Variants in PSMB2 observed in about 807,000 individuals in gnomAD.
The protein encoded by PSMB2 is proteasome 20S subunit beta 2, also known as proteasome subunit beta type-2.
In PSMB2, 13 loss-of-function variants were observed where a neutral mutation model predicts 25.7. The observed-to-expected ratio is 0.51, with a 90% CI of 0.33 to 0.80. The LOEUF is 0.80. Among genes scored for constraint, PSMB2 ranks in the 30% least tolerant of loss-of-function variants. PSMB2 has a pLI of 0.02. For synonymous variants in PSMB2, 87 were observed against 96.2 expected (o/e 0.90, Z 0.56); for missense variants, 202 against 259.0 (o/e 0.78, Z 1.51).
chr1:35,604,355 C>A (rs182877040), intron 5 of PSMB2, among the ~76,000 whole-genome samples: 113 of 152,284 alleles, frequency 7.4e-4, no homozygotes, highest in Admixed American at 2.2e-3. Flanking sequence ...CCCAAAGCTT[C>A]CTAGTTGCTT....
intron 3 of PSMB2, among the ~76,000 whole-genome samples, chr1:35,610,440 G>C (rs183762267): frequency 6.6e-6 from 1 of 152,022 alleles, no homozygotes; most frequent in Admixed American, 6.6e-5. Context: ...GAGAAAGAGA[G>C]AGAAAAGAAA....
At chr1:35,611,288 TTAACAC>T (rs1650324708) in intron 3 of PSMB2, among the ~76,000 whole-genome samples, 1 of 152,196 alleles carries the variant, frequency 6.6e-6, no homozygotes, top group Non-Finnish European at 1.5e-5. Context: ...TGAACACTGA[TTAACAC>T]GGCCACTTGG....
chr1:35,631,497 C>A (rs1473141078), intron 2 of PSMB2, 153 bp from the exon 3 acceptor site: 1 of 1,444,124 alleles, frequency 6.9e-7, no homozygotes, highest in Non-Finnish European at 9.1e-7. Context: ...TACTCTAGTC[C>A]CTTTCCTCAT....
intron 1 of PSMB2, among the ~76,000 whole-genome samples, chr1:35,640,060 A>ATACTATACTATACTATAC (rs371010677): frequency 0.013 from 1,961 of 147,316 alleles, 36 homozygotes; most frequent in South Asian, 0.024. Flanking sequence ...AAGTACTATA[A>ATACTATACTATACTATAC]TATACTATAC....
intron 3 of PSMB2, among the ~76,000 whole-genome samples, chr1:35,613,055 T>C (rs1650386249): frequency 6.6e-6 from 1 of 152,218 alleles, no homozygotes; most frequent in Non-Finnish European, 1.5e-5. Flanking sequence ...CTTACCAAAG[T>C]TGGTATTCAG....
chr1:35,608,633 A>G lies in PSMB2; in HGVS notation c.448+613T>C, dbSNP rs142126242. On this transcript the variant is annotated intron_variant, in intron 4 of 5. Coordinates refer to ENST00000373237, the MANE Select transcript of PSMB2 (RefSeq NM_002794.5). ...TTTGTCAATTAAAAAATAAAATTTTAAAAAAGCATCCCTGTATCTGAAGTT... is the reference window on the plus strand; with the variant it reads ...TTTGTCAATTAAAAAATAAAATTTTGAAAAAGCATCCCTGTATCTGAAGTT... Among the ~76,000 whole-genome samples the G allele has an allele frequency of 1.9e-3, 284 of 152,336 alleles. 4 individuals are homozygous for G. The highest frequency in any genetic ancestry group is 6.3e-3 in the African/African-American group (264 of 41,584).
At chr1:35,640,132 TAAG>T (rs1474015578) in intron 1 of PSMB2, among the ~76,000 whole-genome samples, 4 of 150,728 alleles carry the variant, frequency 2.7e-5, no homozygotes, top group Non-Finnish European at 5.9e-5. Flanking sequence ...TACATAATTT[TAAG>T]AAGATTTTGG....
At position 35,599,936 on chromosome 1, in the gene PSMB2, C is replaced by T. The variant is rs988354324; in HGVS notation, c.*3331G>A. 1 of 817,472 alleles carries T rather than the reference C, an allele frequency of 1.2e-6. No individual in the cohort carries two copies. The highest frequency in any genetic ancestry group is 6.3e-5 in the Admixed American group (1 of 15,978). The allele number at this position is 817,472 out of a possible 1,614,324, so 50.6% of individuals were successfully genotyped here. On this transcript the variant is annotated 3_prime_UTR_variant, in exon 6 of 6. Coordinates refer to ENST00000373237, the MANE Select transcript of PSMB2 (RefSeq NM_002794.5). ...TCACTTGAGGCCAAGAGTTCGAGAC[C>T]AGCCTAGGCAACATGGCGAGACCCT...
intron 3 of PSMB2, among the ~76,000 whole-genome samples, chr1:35,622,348 T>C (rs1650714195): frequency 6.6e-6 from 1 of 152,150 alleles, no homozygotes; most frequent in Admixed American, 6.5e-5. Flanking sequence ...TTTAAAGCAA[T>C]CTTAAAAGTT....
intron 3 of PSMB2, among the ~76,000 whole-genome samples, chr1:35,628,772 C>G (rs189183799): frequency 1.3e-5 from 2 of 150,440 alleles, no homozygotes; most frequent in African/African-American, 4.9e-5. Flanking sequence ...TGTACAAGCC[C>G]TTGGTCAAAG....
intron 3 of PSMB2, among the ~76,000 whole-genome samples, chr1:35,611,885 G>A (rs1650355309): frequency 6.6e-6 from 1 of 151,744 alleles, no homozygotes; most frequent in Non-Finnish European, 1.5e-5. Flanking sequence ...TGCCCAGGCT[G>A]GCCTTCAACT....
chr1:35,599,596 T>A lies in PSMB2; in HGVS notation c.*3671A>T. The A allele has an allele frequency of 1.0e-6, 1 of 984,936 alleles. No homozygotes were observed. Among genetic ancestry groups the A allele is most frequent in the Non-Finnish European group, 1.2e-6 (1 of 829,546 alleles). The allele number at this position is 984,936 out of a possible 1,614,324, so 61.0% of individuals were successfully genotyped here. The stretch of plus-strand genomic sequence containing the variant: ...AAAGGAGGGAAAGGAAGTGGGGAGT[T>A]AGGTTCGGAGAGGATTATGGAATGC... On this transcript the variant is annotated 3_prime_UTR_variant, in exon 6 of 6. Coordinates refer to ENST00000373237, the MANE Select transcript of PSMB2 (RefSeq NM_002794.5).
rs1651090434 is a variant in PSMB2 at position 35,631,348 on chromosome 1, G to T, written c.215-4C>A. 1 of 1,613,954 alleles carries T rather than the reference G, an allele frequency of 6.2e-7. No individual in the cohort carries two copies. The highest frequency in any genetic ancestry group is 2.2e-5 in the East Asian group (1 of 44,874). ...GCCGTGGGAGACAATTCATATCCTGGTAGAAGAGATAAAGAGTCATACTTA... is the reference window on the plus strand; with the variant it reads ...GCCGTGGGAGACAATTCATATCCTGTTAGAAGAGATAAAGAGTCATACTTA... On this transcript the variant is annotated splice_region_variant and splice_polypyrimidine_tract_variant and intron_variant, in intron 2 of 5. Transcript: ENST00000373237.
rs371322301 is a variant in PSMB2 at position 35,636,335 on chromosome 1, G to A, written c.189C>T (p.Asn63=). 40 of 1,613,916 alleles carry A rather than the reference G, an allele frequency of 2.5e-5. No homozygotes were observed. The highest frequency in any genetic ancestry group is 5.3e-5 in the African/African-American group (4 of 74,902). ...TVQFAEYIQK[N]VQLYKMRNGY... ...CATTTCGCATCTTATAAAGTTGCAC[G>A]TTTTTCTGAATATATTCTGCAAACT... The change falls in exon 2 of 6, where the codon AAC becomes AAT. Residue 63 remains asparagine, a synonymous_variant. Coordinates refer to ENST00000373237, the MANE Select transcript of PSMB2 (RefSeq NM_002794.5).
chr1:35,624,004 C>T (rs932877561), intron 3 of PSMB2, among the ~76,000 whole-genome samples: 5 of 152,100 alleles, frequency 3.3e-5, no homozygotes, highest in Non-Finnish European at 4.4e-5. Flanking sequence ...ATAGAAGGCT[C>T]AAAGCAACAG....
At chr1:35,634,512 G>A (rs1651191031) in intron 2 of PSMB2, among the ~76,000 whole-genome samples, 1 of 152,068 alleles carries the variant, frequency 6.6e-6, no homozygotes, top group South Asian at 2.1e-4. Flanking sequence ...GAGTAGCTGG[G>A]ACTATGGGTG....
chr1:35,637,274 T>G (rs907748561), intron 1 of PSMB2, among the ~76,000 whole-genome samples: 1 of 152,186 alleles, frequency 6.6e-6, no homozygotes, highest in Non-Finnish European at 1.5e-5. Flanking sequence ...TTAATCACTT[T>G]AAAAAGTAAA....
chr1:35,604,001 T>A (rs930041129), intron 5 of PSMB2, among the ~76,000 whole-genome samples: 61 of 125,916 alleles, frequency 4.8e-4, no homozygotes, highest in African/African-American at 1.8e-3. Flanking sequence ...CACTCCAGCC[T>A]GGGCAACAAA....
At chr1:35,607,570 T>C (rs1650204326) in intron 4 of PSMB2, among the ~76,000 whole-genome samples, 1 of 152,170 alleles carries the variant, frequency 6.6e-6, no homozygotes, top group South Asian at 2.1e-4. Flanking sequence ...CTTTATACAC[T>C]GTTGGTAGGA....
Sources: gnomAD v4.1 joint callset for allele counts (sites outside exome capture counted in the v4.1 genomes callset) on GRCh38, gnomAD v4.1.1 for gene constraint, MANE v1.5 for transcripts, NCBI Gene and HGNC (gene_info 2026-07-23, HGNC 2026-07-21) for gene names.